The following ITIH5 variants were observed in gnomAD, a reference collection of about 807,000 sequenced individuals.
ITIH5 encodes inter-alpha-trypsin inhibitor heavy chain 5.
In ITIH5, 65 loss-of-function variants were observed where a neutral mutation model predicts 77.5. The observed-to-expected ratio is 0.84, with a 90% CI of 0.69 to 1.03. ITIH5 has a LOEUF of 1.03. ITIH5 is among the 50% of genes least tolerant of loss of function. ITIH5 has a pLI of 0.00. For synonymous variants in ITIH5, 525 were observed against 494.3 expected (o/e 1.06, Z -0.82); for missense variants, 1,208 against 1,213.1 (o/e 1.00, Z 0.06).
At position 7,637,213 on chromosome 10, in the gene ITIH5, G is replaced by A. The variant is rs1833812346; in HGVS notation, c.652+15C>T. On this transcript the variant is annotated intron_variant, in intron 5 of 13. Transcript: ENST00000397146. ...TTCACCACAGATCTGCACGAACCCA[G>A]CACGCAGGACTCACCTTCCCCGCGC... 4 of 1,601,674 alleles carry A rather than the reference G, an allele frequency of 2.5e-6. No homozygotes were observed. The highest frequency in any genetic ancestry group is 3.4e-6 in the Non-Finnish European group (4 of 1,178,210).
At chr10:7,656,481 C>T (rs1431345774) in intron 1 of ITIH5, among the ~76,000 whole-genome samples, 4 of 152,118 alleles carry the variant, frequency 2.6e-5, no homozygotes, top group Non-Finnish European at 4.4e-5. Flanking sequence ...TCTCAAAGTG[C>T]TGAGATTTAT....
chr10:7,593,399 A>C, intron 7 of ITIH5, among the ~76,000 whole-genome samples: 1 of 118,906 alleles, frequency 8.4e-6, no homozygotes, highest in African/African-American at 3.3e-5. Flanking sequence ...AGCCCCACTC[A>C]CCCCTGCAGC....
intron 5 of ITIH5, among the ~76,000 whole-genome samples, chr10:7,628,855 C>CTGTTGTAGTGTGTGTCCA (rs1833642223): frequency 4.1e-5 from 3 of 73,338 alleles, no homozygotes; most frequent in African/African-American, 1.3e-4. Context: ...GCGTGTGTCC[C>CTGTTGTAGTGTGTGTCCA]TGTTGTAGCG....
At chr10:7,656,886 G>GTGGA (rs1419301817) in intron 1 of ITIH5, among the ~76,000 whole-genome samples, 137 of 151,504 alleles carry the variant, frequency 9.0e-4, no homozygotes, top group Non-Finnish European at 1.5e-3. Flanking sequence ...TGGGATTACA[G>GTGGA]GTGCCTGCCA....
intron 12 of ITIH5, among the ~76,000 whole-genome samples, chr10:7,567,397 G>A (rs1409362344): frequency 6.7e-6 from 1 of 150,330 alleles, no homozygotes; most frequent in Non-Finnish European, 1.5e-5. Flanking sequence ...GTGCAGGTTT[G>A]TTACATATGT....
At chr10:7,568,304 G>T (rs1036835683) in intron 12 of ITIH5, among the ~76,000 whole-genome samples, 1 of 152,120 alleles carries the variant, frequency 6.6e-6, no homozygotes, top group African/African-American at 2.4e-5. Flanking sequence ...AGGAAAAAAG[G>T]GCCTTCTCTG....
intron 5 of ITIH5, among the ~76,000 whole-genome samples, chr10:7,624,344 C>G (rs1183185614): frequency 6.6e-6 from 1 of 151,322 alleles, no homozygotes; most frequent in Non-Finnish European, 1.5e-5. Context: ...CCCGTCTCTA[C>G]TAAAAATACA....
chr10:7,591,043 C>A (rs1294767659), intron 7 of ITIH5, among the ~76,000 whole-genome samples: 1 of 152,188 alleles, frequency 6.6e-6, no homozygotes, highest in African/African-American at 2.4e-5. Context: ...CTTACAGGCA[C>A]ACGCCATCAC....
chr10:7,655,437 T>C (rs1280208109), intron 2 of ITIH5, among the ~76,000 whole-genome samples, 194 bp downstream of exon 2: 1 of 152,066 alleles, frequency 6.6e-6, no homozygotes, highest in Admixed American at 6.6e-5. Context: ...TCAGGTCTCC[T>C]TCCAGAAAAA....
At chr10:7,605,830 G>C (rs12258237) in intron 7 of ITIH5, among the ~76,000 whole-genome samples, 2 of 152,066 alleles carry the variant, frequency 1.3e-5, no homozygotes, top group Non-Finnish European at 2.9e-5. Flanking sequence ...GCAAAGTTTC[G>C]TTTCAGCCCC....
At position 7,640,849 on chromosome 10, in the gene ITIH5, A is replaced by C. The variant is rs778551064; in HGVS notation, c.306T>G (p.Ile102Met). Residue 102 changes from isoleucine (I) to methionine (M), a missense_variant, in exon 4 of 14, where the codon ATT becomes ATG. Physicochemically the swap from Ile to Met is conservative, Grantham distance 10 (BLOSUM62 1). Transcript: ENST00000397146. ...AAFITNFTML[I>M]GDKVYQGEIT... The stretch of plus-strand genomic sequence containing the variant: ...TTTCGCCCTGATACACCTTGTCTCC[A>C]ATAAGCCTGAAATACAAGAGACAGT... 6 of 1,606,826 alleles carry C rather than the reference A, an allele frequency of 3.7e-6. No homozygotes were observed. The Admixed American group carries it at 1.0e-4, about 27-fold the overall frequency.
rs796621384 is a variant in ITIH5, at chr10:7,574,470, G to A, written c.1979-1275C>T. Reference sequence around the variant, plus strand: ...ATTTAAAAACCATCAGAGCTTTAAGGAAAGGAAGAATCTTCATTTAAAAAA... The same window carrying A: ...ATTTAAAAACCATCAGAGCTTTAAGAAAAGGAAGAATCTTCATTTAAAAAA... On this transcript the variant is annotated intron_variant, in intron 10 of 13. Transcript: ENST00000397146. Among the ~76,000 whole-genome samples the A allele has an allele frequency of 2.6e-5, 4 of 152,034 alleles. No homozygotes were observed. The South Asian group carries it at 6.2e-4, about 24-fold the overall frequency.
chr10:7,576,516 T>A lies in ITIH5; in HGVS notation c.1915A>T (p.Met639Leu), dbSNP rs1284263096. 3.1e-6 allele frequency: 5 copies of A among 1,611,770 alleles called. No homozygotes were observed. The African/African-American group carries it at 6.7e-5, about 22-fold the overall frequency. Reference sequence around the variant, plus strand: ...GGTTCGGGTCCCATGGCAGCCGACATGCCGTGGGCCTCCTCCAGGCCATCC... The same window carrying A: ...GGTTCGGGTCCCATGGCAGCCGACAAGCCGTGGGCCTCCTCCAGGCCATCC... Reference protein sequence around the residue: ...RMDGLEEAHGMSAAMGPEPVV... With the variant: ...RMDGLEEAHGLSAAMGPEPVV... Residue 639 changes from methionine (M) to leucine (L), a missense_variant, in exon 10 of 14, where the codon ATG becomes TTG. Physicochemically the swap from Met to Leu is conservative, Grantham distance 15. Coordinates refer to ENST00000397146, the MANE Select transcript of ITIH5 (RefSeq NM_030569.7).
At chr10:7,580,640 T>C (rs1474368408) in intron 8 of ITIH5, among the ~76,000 whole-genome samples, 1 of 152,182 alleles carries the variant, frequency 6.6e-6, no homozygotes, top group Non-Finnish European at 1.5e-5. Context: ...CTTCTGAGAA[T>C]GGCTTTGAAA....
At chr10:7,621,999 A>G (rs1207655336) in intron 5 of ITIH5, 1 of 152,204 alleles carries the variant, frequency 6.6e-6, no homozygotes, top group Non-Finnish European at 1.5e-5. Flanking sequence ...GCCCACTTCT[A>G]TGGTGAGCTG....
intron 13 of ITIH5, among the ~76,000 whole-genome samples, chr10:7,565,653 T>C (rs964328216): frequency 6.7e-6 from 1 of 148,720 alleles, no homozygotes; most frequent in Non-Finnish European, 1.5e-5. Flanking sequence ...TGTATATATA[T>C]ACACACACAT....
intron 7 of ITIH5, among the ~76,000 whole-genome samples, chr10:7,597,063 A>AAAAAAAAAAAAAAAAAAAAC (rs750714870): frequency 7.0e-6 from 1 of 142,648 alleles, no homozygotes; most frequent in Non-Finnish European, 1.6e-5. Context: ...AAAAAAAAAA[A>AAAAAAAAAAAAAAAAAAAAC]ATTCCACCAA....
At chr10:7,597,653 C>T (rs1244972609) in intron 7 of ITIH5, among the ~76,000 whole-genome samples, 1 of 151,040 alleles carries the variant, frequency 6.6e-6, no homozygotes, top group South Asian at 2.1e-4. Flanking sequence ...CCGTACACAG[C>T]ATGGTCCCAA....
At position 7,585,834 on chromosome 10, in the gene ITIH5, A is replaced by C. The variant is rs1564245375; in HGVS notation, c.1108+67T>G. 5.6e-6 allele frequency: 8 copies of C among 1,432,170 alleles called. No homozygotes were observed. In the East Asian group the frequency reaches 9.3e-5, roughly 17 times the overall value. 88.7% of individuals were successfully genotyped at this position (1,432,170 alleles called of 1,614,324 possible). ...AATCCTTATCTCTTGGCAAAAAAAA[A>C]AAAAAACCAAAAAAAAAAACATTAT... On this transcript the variant is annotated intron_variant, in intron 8 of 13. Transcript: ENST00000397146.
Sources: allele counts gnomAD v4.1 joint callset (sites outside exome capture counted in the v4.1 genomes callset), GRCh38; gene constraint gnomAD v4.1.1; transcripts MANE v1.5; gene names NCBI Gene and HGNC (gene_info 2026-07-23, HGNC 2026-07-21).